Variants in RBM20 observed in about 807,000 individuals in gnomAD.
RBM20 encodes the protein RNA binding motif protein 20.
In RBM20, 51 loss-of-function variants were observed where a neutral mutation model predicts 110.1. The observed-to-expected ratio is 0.46, with a 90% confidence interval of 0.37 to 0.59. The LOEUF (loss-of-function observed/expected upper bound fraction) is 0.59. Ranked by LOEUF, RBM20 falls within the 20% of genes least tolerant of loss-of-function variation. RBM20 has a pLI of 0.00. For synonymous variants in RBM20, 589 were observed against 618.2 expected (o/e 0.95, Z 0.70); for missense variants, 1,512 against 1,574.9 (o/e 0.96, Z 0.68).
chr10:110,768,346 T>C lies in RBM20; in HGVS notation c.192-12455T>C, dbSNP rs899753855. 4.6e-5 allele frequency among the ~76,000 whole-genome samples: 7 copies of C among 152,328 alleles called. No homozygotes were observed. The South Asian group carries it at 1.4e-3, about 32-fold the overall frequency. Reference sequence around the variant, plus strand: ...AATGCACATATAATATTCTCTGCCTTGGGCGACATCTGTGTTGTGTTGGCT... The same window carrying C: ...AATGCACATATAATATTCTCTGCCTCGGGCGACATCTGTGTTGTGTTGGCT... On this transcript the variant is annotated intron_variant, in intron 1 of 13. Transcript: ENST00000369519.
At chr10:110,811,145 TC>T (rs1370829956) in intron 8 of RBM20, among the ~76,000 whole-genome samples, 3 of 152,102 alleles carry the variant, frequency 2.0e-5, no homozygotes, top group African/African-American at 7.2e-5. Flanking sequence ...GTCCTGGGGT[TC>T]TTGCTGGGGT....
chr10:110,698,805 G>A (rs1205771476), intron 1 of RBM20, among the ~76,000 whole-genome samples: 1 of 152,188 alleles, frequency 6.6e-6, no homozygotes, highest in Non-Finnish European at 1.5e-5. Context: ...TCCTTGAAAA[G>A]TACTTCAGAT....
At chr10:110,733,630 C>A (rs1469862804) in intron 1 of RBM20, among the ~76,000 whole-genome samples, 1 of 152,180 alleles carries the variant, frequency 6.6e-6, no homozygotes, top group Non-Finnish European at 1.5e-5. Flanking sequence ...GGGGATCTTG[C>A]CTGGCATTTT....
intron 5 of RBM20, 53 bp downstream of exon 5, chr10:110,784,942 T>C (rs1844402249): frequency 8.4e-7 from 1 of 1,197,396 alleles, no homozygotes; most frequent in Non-Finnish European, 1.2e-6. Context: ...TATTAGTTTA[T>C]TTATTTGTTT....
At chr10:110,797,786 G>A (rs2135074351) in intron 6 of RBM20, 138 bp downstream of exon 6, 3 of 892,332 alleles carry the variant, frequency 3.4e-6, no homozygotes, top group Non-Finnish European at 5.1e-6. Flanking sequence ...GCATGGCGTA[G>A]GTGTTTTTGC....
At chr10:110,666,898 C>T (rs942333672) in intron 1 of RBM20, among the ~76,000 whole-genome samples, 7 of 152,254 alleles carry the variant, frequency 4.6e-5, no homozygotes, top group Non-Finnish European at 8.8e-5. Context: ...ACATCAGAGT[C>T]GGTCTTCCTT....
At chr10:110,788,282 T>C (rs1443365531) in intron 5 of RBM20, among the ~76,000 whole-genome samples, 2 of 152,222 alleles carry the variant, frequency 1.3e-5, no homozygotes, top group Non-Finnish European at 2.9e-5. Flanking sequence ...CAGGGACTTC[T>C]CTGGCCTTGG....
chr10:110,816,765 G>T (rs1327779626), intron 9 of RBM20, among the ~76,000 whole-genome samples: 1 of 152,188 alleles, frequency 6.6e-6, no homozygotes, highest in East Asian at 1.9e-4. Context: ...AGGTATGAAG[G>T]TTGGAACCCA....
In RBM20 at chr10:110,684,423, ACAAAAG is replaced by A. The variant is rs1390653599; in HGVS notation, c.191+39779_191+39784del. On this transcript the variant is annotated intron_variant, in intron 1 of 13. Transcript: ENST00000369519. ...ACAAAACAAAACAAAACAAAACAAA[ACAAAAG>A]AAAAAGAAAAAGAAAACAGAAATTG... Among the ~76,000 whole-genome samples, 39 of 146,114 alleles carry A rather than the reference ACAAAAG, an allele frequency of 2.7e-4. No homozygotes were observed. The East Asian group carries it at 3.2e-3, about 12-fold the overall frequency.
At chr10:110,678,799 A>G (rs1862379775) in intron 1 of RBM20, among the ~76,000 whole-genome samples, 1 of 152,166 alleles carries the variant, frequency 6.6e-6, no homozygotes, top group Non-Finnish European at 1.5e-5. Context: ...AAGATGTGAC[A>G]TTTTCATGAT....
At chr10:110,772,902 A>G (rs12243965) in intron 1 of RBM20, among the ~76,000 whole-genome samples, 2,221 of 152,318 alleles carry the variant, frequency 0.015, 54 homozygotes, top group African/African-American at 0.05. Flanking sequence ...ACAGATGAGG[A>G]AATTAAACCT....
chr10:110,746,111 A>C (rs2134976602), intron 1 of RBM20, among the ~76,000 whole-genome samples: 1 of 152,206 alleles, frequency 6.6e-6, no homozygotes, highest in East Asian at 1.9e-4. Context: ...TATGCGTGGG[A>C]CCTCAGGAGA....
At chr10:110,708,542 G>A (rs962408147) in intron 1 of RBM20, among the ~76,000 whole-genome samples, 2 of 152,010 alleles carry the variant, frequency 1.3e-5, no homozygotes, top group African/African-American at 4.8e-5. Context: ...AAATACGTAG[G>A]TTCTATATAT....
chr10:110,814,751 C>T (rs560292389), intron 9 of RBM20, among the ~76,000 whole-genome samples: 44 of 152,318 alleles, frequency 2.9e-4, no homozygotes, highest in African/African-American at 1.0e-3. Flanking sequence ...GCCTTGGCCT[C>T]CCAAAGTGCT....
chr10:110,716,186 T>C (rs1352166208), intron 1 of RBM20, among the ~76,000 whole-genome samples: 1 of 152,234 alleles, frequency 6.6e-6, no homozygotes, highest in Non-Finnish European at 1.5e-5. Flanking sequence ...TCTTTCCTAG[T>C]AATGAGGAGG....
intron 1 of RBM20, among the ~76,000 whole-genome samples, chr10:110,694,978 C>T (rs1862639775): frequency 6.6e-6 from 1 of 152,118 alleles, no homozygotes; most frequent in South Asian, 2.1e-4. Context: ...GTCTGTGGTT[C>T]AAAGGTTGTG....
intron 1 of RBM20, among the ~76,000 whole-genome samples, chr10:110,699,535 G>A (rs11195271): frequency 2.6e-5 from 4 of 151,650 alleles, no homozygotes; most frequent in African/African-American, 9.7e-5. Flanking sequence ...GCCACAAAAA[G>A]TGCTGAGATT....
intron 1 of RBM20, among the ~76,000 whole-genome samples, chr10:110,704,979 A>G (rs968774122): frequency 1.3e-5 from 2 of 152,248 alleles, no homozygotes; most frequent in Non-Finnish European, 2.9e-5. Context: ...GGATTATTGC[A>G]GTGATAAATC....
chr10:110,742,975 C>T (rs1002066998), intron 1 of RBM20, among the ~76,000 whole-genome samples: 1 of 152,138 alleles, frequency 6.6e-6, no homozygotes, highest in African/African-American at 2.4e-5. Flanking sequence ...GAAGGCGGCC[C>T]GGGCTGTCAT....
Sources: allele counts gnomAD v4.1 joint callset (sites outside exome capture counted in the v4.1 genomes callset), GRCh38; gene constraint gnomAD v4.1.1; transcripts MANE v1.5; gene names NCBI Gene and HGNC (gene_info 2026-07-23, HGNC 2026-07-21).